The following CEP41 variants were observed in gnomAD, a reference collection of about 807,000 sequenced individuals.
CEP41 encodes the protein centrosomal protein 41, also known as centrosomal protein of 41 kDa.
Under a neutral mutation model 44.3 loss-of-function variants are expected in CEP41, and 32 were observed. The observed-to-expected ratio is 0.72, with a 90% CI of 0.54 to 0.97. CEP41 has a LOEUF of 0.97. Among genes scored for constraint, CEP41 ranks in the 50% least tolerant of loss-of-function variants. The pLI is 0.00. For missense variants in CEP41, 432 were observed against 455.2 expected, an observed-to-expected ratio of 0.95 and a Z score of 0.46; for synonymous variants, 151 against 168.5, an observed-to-expected ratio of 0.90 and a Z score of 0.80.
chr7:130,404,165 TCAGAG>T (rs1235474789), intron 6 of CEP41, among the ~76,000 whole-genome samples: 1 of 152,228 alleles, frequency 6.6e-6, no homozygotes, highest in African/African-American at 2.4e-5. Context: ...CTACTCAGTA[TCAGAG>T]CACTATGTGT....
intron 3 of CEP41, among the ~76,000 whole-genome samples, chr7:130,414,859 T>C (rs1369657460): frequency 6.6e-6 from 1 of 152,264 alleles, no homozygotes; most frequent in Non-Finnish European, 1.5e-5. Flanking sequence ...GAGCTTCTGC[T>C]ATGTGTCTTC....
intron 3 of CEP41, among the ~76,000 whole-genome samples, chr7:130,413,995 G>A (rs1282104990): frequency 6.6e-6 from 1 of 152,064 alleles, no homozygotes; most frequent in African/African-American, 2.4e-5. Flanking sequence ...TAGCAACAAA[G>A]GAAAGGATTA....
intron 5 of CEP41, among the ~76,000 whole-genome samples, chr7:130,405,318 T>C (rs1796977517): frequency 6.6e-6 from 1 of 152,214 alleles, no homozygotes; most frequent in Non-Finnish European, 1.5e-5. Flanking sequence ...CACACCATTT[T>C]TGCTTGGAAG....
chr7:130,419,942 T>A, intron 2 of CEP41: 1 of 984,448 alleles, frequency 1.0e-6, no homozygotes, highest in Non-Finnish European at 1.2e-6. Context: ...GGACTATTTA[T>A]GGGCACGTAC....
At chr7:130,402,877 G>T in intron 6 of CEP41, 78 bp from the exon 7 acceptor site, 2 of 1,398,834 alleles carry the variant, frequency 1.4e-6, no homozygotes, top group Non-Finnish European at 2.0e-6. Flanking sequence ...CTTCAGAATA[G>T]TGAGGTGAGT....
At position 130,399,426 on chromosome 7, in the gene CEP41, C is replaced by T. The variant is rs117322704; in HGVS notation, c.974-387G>A. 9.6e-4 allele frequency: 255 copies of T among 264,258 alleles called. 2 individuals are homozygous for T. The East Asian group carries it at 0.023, about 24-fold the overall frequency. The allele number at this position is 264,258 out of a possible 1,614,324, so 16.4% of individuals were successfully genotyped here. ...CACAGAGGCTCTCAGAGTGGAGAAG[C>T]AAAAGCTGCAGAAGGAATCGAAAAC... On this transcript the variant is annotated intron_variant, in intron 10 of 10. Coordinates refer to ENST00000223208, the MANE Select transcript of CEP41 (RefSeq NM_018718.3).
chr7:130,419,842 C>T (rs1244198688), intron 2 of CEP41: 5 of 985,176 alleles, frequency 5.1e-6, no homozygotes, highest in African/African-American at 3.5e-5. Flanking sequence ...GTGACCTTTC[C>T]CTCCTCTGAG....
intron 1 of CEP41, among the ~76,000 whole-genome samples, chr7:130,430,502 TA>T (rs1376738821): frequency 1.8e-4 from 28 of 152,222 alleles, no homozygotes; most frequent in Admixed American, 1.8e-3. Flanking sequence ...TATGAGAAAG[TA>T]ACTATAATGC....
Position 130,394,917 on chromosome 7 carries a change from C to A in CEP41, c.*3974G>T, listed in dbSNP as rs1203691120. 5 of 453,974 alleles carry A rather than the reference C, an allele frequency of 1.1e-5. No individual in the cohort carries two copies. The highest frequency in any genetic ancestry group is 1.3e-5 in the Non-Finnish European group (3 of 226,798). 28.1% of individuals were successfully genotyped at this position (453,974 alleles called of 1,614,324 possible). On this transcript the variant is annotated 3_prime_UTR_variant, in exon 11 of 11. Transcript: ENST00000223208. ...CATTTGAGAAGTGGCCTCTCTTTGCCTCACATTTTACCAGGTGCTTCAGGA... is the reference window on the plus strand; with the variant it reads ...CATTTGAGAAGTGGCCTCTCTTTGCATCACATTTTACCAGGTGCTTCAGGA...
intron 2 of CEP41, among the ~76,000 whole-genome samples, chr7:130,426,114 T>C (rs1797653914): frequency 6.6e-6 from 1 of 152,254 alleles, no homozygotes; most frequent in Non-Finnish European, 1.5e-5. Context: ...TAGTGCATTA[T>C]AGTTTTGCAA....
intron 5 of CEP41, among the ~76,000 whole-genome samples, chr7:130,410,297 G>A (rs1159444935): frequency 6.6e-6 from 1 of 151,932 alleles, no homozygotes; most frequent in Non-Finnish European, 1.5e-5. Flanking sequence ...AAAGTGCTGG[G>A]ATTATGGGGG....
At chr7:130,429,679 T>C (rs541376403) in intron 1 of CEP41, among the ~76,000 whole-genome samples, 86 of 152,376 alleles carry the variant, frequency 5.6e-4, no homozygotes, top group African/African-American at 2.0e-3. Flanking sequence ...GATGTCTGCC[T>C]AGAATGCCTT....
At chr7:130,440,791 G>T in intron 1 of CEP41, 143 bp downstream of exon 1, 1 of 192,578 alleles carries the variant, frequency 5.2e-6, no homozygotes, top group Non-Finnish European at 9.7e-6. Flanking sequence ...GGCCCGCCCC[G>T]CCCCTGCATC....
chr7:130,399,049 G>A lies in CEP41; in HGVS notation c.974-10C>T, dbSNP rs573208901. On this transcript the variant is annotated splice_polypyrimidine_tract_variant and intron_variant, in intron 10 of 10. Transcript: ENST00000223208. ...GCTTGGTTCAGTCGGCCTGAAGGGA[G>A]CAAGAAAGAAGGAACAGAGCTGCAA... 6.2e-7 allele frequency: 1 copy of A among 1,613,634 alleles called. No homozygotes were observed. Among genetic ancestry groups the A allele is most frequent in the African/African-American group, 1.3e-5 (1 of 75,064 alleles).
intron 4 of CEP41, chr7:130,411,911 GA>G (rs1797192871): frequency 1.4e-5 from 5 of 345,706 alleles, no homozygotes; most frequent in Non-Finnish European, 2.6e-5. Flanking sequence ...AATGTATAAG[GA>G]AAAAAACCCC....
upstream of CEP41, chr7:130,441,197 G>C (rs781871393): frequency 3.0e-6 from 2 of 667,234 alleles, no homozygotes; most frequent in Admixed American, 4.1e-5. Context: ...GGCTAGCGAG[G>C]CCTTTTGTTC....
chr7:130,396,925 A>C lies in CEP41; in HGVS notation c.*1966T>G, dbSNP rs1554414852. ...ACGATGGGAACGCAGAATCGGAACA[A>C]GGAGGGAAGACCATTTACTTTCAAA... is the stretch of plus-strand genomic sequence containing the variant. On this transcript the variant is annotated 3_prime_UTR_variant, in exon 11 of 11. Transcript: ENST00000223208. The C allele has an allele frequency of 2.2e-6, 1 of 452,452 alleles. No homozygotes were observed. The highest frequency in any genetic ancestry group is 2.4e-5 in the Admixed American group (1 of 42,212). 28.0% of individuals were successfully genotyped at this position (452,452 alleles called of 1,614,324 possible). A position where few individuals can be genotyped will look rare whatever the true frequency, so the allele number is the denominator to read the frequency against.
intron 5 of CEP41, 150 bp downstream of exon 5, chr7:130,410,972 C>G: frequency 1.3e-6 from 1 of 768,172 alleles, no homozygotes. Flanking sequence ...ACTAAAGTAT[C>G]AGGTAGCATT....
Position 130,404,805 on chromosome 7 carries a change from T to C in CEP41, c.278-97A>G, listed in dbSNP as rs1584873722. 5.6e-5 allele frequency: 57 copies of C among 1,009,242 alleles called. No individual in the cohort carries two copies. The South Asian group carries it at 7.0e-4, about 12-fold the overall frequency. 62.5% of individuals were successfully genotyped at this position (1,009,242 alleles called of 1,614,324 possible). ...ATTAAGTCAAGAAAAGGAAATCTTATCATCATTATTAAATTGTCGTGGAAG... is the reference window on the plus strand; with the variant it reads ...ATTAAGTCAAGAAAAGGAAATCTTACCATCATTATTAAATTGTCGTGGAAG... On this transcript the variant is annotated intron_variant, in intron 5 of 10. Coordinates refer to ENST00000223208, the MANE Select transcript of CEP41 (RefSeq NM_018718.3).
Sources: gnomAD v4.1 joint callset for allele counts (sites outside exome capture counted in the v4.1 genomes callset) on GRCh38, gnomAD v4.1.1 for gene constraint, MANE v1.5 for transcripts, NCBI Gene and HGNC (gene_info 2026-07-23, HGNC 2026-07-21) for gene names.